CFAP299: variants seen among roughly 807,000 people sequenced by gnomAD.
CFAP299 encodes cilia- and flagella-associated protein 299.
CFAP299 carries 21 observed loss-of-function variants against 27.0 expected under a neutral mutation model. The ratio of observed to expected loss-of-function variants is 0.78; its 90% CI spans 0.55 to 1.12. The LOEUF is 1.12. CFAP299 is among the 50% of genes most tolerant of loss of function. The pLI is 0.00. For synonymous variants in CFAP299, 104 were observed against 98.1 expected (o/e 1.06, Z -0.36); for missense variants, 310 against 276.6 (o/e 1.12, Z -0.86).
intron 4 of CFAP299, among the ~76,000 whole-genome samples, chr4:80,876,781 A>G (rs1733401337): frequency 6.6e-6 from 1 of 152,128 alleles, no homozygotes; most frequent in Non-Finnish European, 1.5e-5. Flanking sequence ...TTTTGACCTC[A>G]AATCCATATC....
chr4:80,458,848 A>C (rs113453519), intron 2 of CFAP299, among the ~76,000 whole-genome samples: 145 of 152,228 alleles, frequency 9.5e-4, no homozygotes, highest in African/African-American at 3.3e-3. Context: ...CCAATAACAG[A>C]TCTGTTCATC....
Position 80,391,809 on chromosome 4 carries a change from A to G in CFAP299, c.242+28925A>G, listed in dbSNP as rs548477479. ...TAGTGAGTCCCCCATCACTACAAAA[A>G]TTACAAAATTAGCCAGGCATGGTGG... On this transcript the variant is annotated intron_variant, in intron 2 of 5. Coordinates refer to ENST00000358105, the MANE Select transcript of CFAP299 (RefSeq NM_152770.3). 4.6e-4 allele frequency among the ~76,000 whole-genome samples: 70 copies of G among 152,302 alleles called. 1 individual carries two copies. Among genetic ancestry groups the G allele is most frequent in the African/African-American group, 1.6e-3 (68 of 41,560 alleles).
chr4:80,420,523 G>A (rs1727242675), intron 2 of CFAP299, among the ~76,000 whole-genome samples: 1 of 152,116 alleles, frequency 6.6e-6, no homozygotes, highest in Non-Finnish European at 1.5e-5. Flanking sequence ...ACGGATTAGT[G>A]ATGTTGAGTT....
rs1425746357 is a variant in CFAP299 at position 80,705,384 on chromosome 4, T to A, written c.333+122201T>A. Among the ~76,000 whole-genome samples the A allele has an allele frequency of 3.3e-5, 5 of 151,870 alleles. No homozygotes were observed. In the East Asian group the frequency reaches 5.8e-4, roughly 18 times the overall value. On this transcript the variant is annotated intron_variant, in intron 3 of 5. Transcript: ENST00000358105. Reference sequence around the variant, plus strand: ...ATGAAAGAATGAGAAAGATCATGGATGTTGGTGGATGGATATGATTAAATA... The same window carrying A: ...ATGAAAGAATGAGAAAGATCATGGAAGTTGGTGGATGGATATGATTAAATA...
At chr4:80,596,661 T>C (rs1449385718) in intron 3 of CFAP299, among the ~76,000 whole-genome samples, 3 of 152,126 alleles carry the variant, frequency 2.0e-5, no homozygotes, top group Admixed American at 2.0e-4. Flanking sequence ...CATAAATTAC[T>C]GCAAAATGAA....
intron 4 of CFAP299, among the ~76,000 whole-genome samples, chr4:80,928,848 C>T (rs547094410): frequency 2.0e-5 from 3 of 152,110 alleles, no homozygotes; most frequent in African/African-American, 7.2e-5. Flanking sequence ...CAATGGGTAT[C>T]TTCCCATTAT....
At chr4:80,363,131 T>C (rs1723637314) in intron 2 of CFAP299, among the ~76,000 whole-genome samples, 1 of 152,202 alleles carries the variant, frequency 6.6e-6, no homozygotes, top group Non-Finnish European at 1.5e-5. Context: ...ACCAATAAAG[T>C]CTTGTTAAAA....
intron 3 of CFAP299, among the ~76,000 whole-genome samples, chr4:80,857,783 T>A (rs1487496416): frequency 2.0e-5 from 3 of 152,222 alleles, no homozygotes; most frequent in African/African-American, 7.2e-5. Flanking sequence ...ATAAGCTTTT[T>A]GATGTGCTGC....
chr4:80,768,910 A>G (rs1483841529), intron 3 of CFAP299, among the ~76,000 whole-genome samples: 2 of 152,190 alleles, frequency 1.3e-5, no homozygotes, highest in Non-Finnish European at 2.9e-5. Flanking sequence ...AATAATTAAT[A>G]GCATATGCTA....
At chr4:80,765,053 C>A (rs957495609) in intron 3 of CFAP299, among the ~76,000 whole-genome samples, 4 of 152,000 alleles carry the variant, frequency 2.6e-5, no homozygotes, top group Non-Finnish European at 2.9e-5. Context: ...AACAAACGTG[C>A]ACATTCTGCA....
intron 3 of CFAP299, among the ~76,000 whole-genome samples, chr4:80,688,408 A>T (rs1720383161): frequency 5.1e-5 from 1 of 19,592 alleles, no homozygotes. Flanking sequence ...CCTAACTGGG[A>T]GGCACCCCCC....
rs187940355 is a variant in CFAP299 at position 80,712,502 on chromosome 4, G to T, written c.333+129319G>T. Among the ~76,000 whole-genome samples, 7 of 152,234 alleles carry T rather than the reference G, an allele frequency of 4.6e-5. No individual in the cohort carries two copies. The East Asian group carries it at 1.4e-3, about 29-fold the overall frequency. On this transcript the variant is annotated intron_variant, in intron 3 of 5. Transcript: ENST00000358105. ...CTACTAGCTTGAGCTTGTAGTGCTG[G>T]CTGAATGAAAAATCTTGTTTTGACT...
intron 2 of CFAP299, among the ~76,000 whole-genome samples, chr4:80,580,564 G>T (rs1736111174): frequency 6.6e-6 from 1 of 151,864 alleles, no homozygotes; most frequent in Non-Finnish European, 1.5e-5. Flanking sequence ...TCTCAAAAGA[G>T]CCTTTACTTG....
At chr4:80,955,156 T>A (rs1738004965) in intron 5 of CFAP299, among the ~76,000 whole-genome samples, 1 of 151,984 alleles carries the variant, frequency 6.6e-6, no homozygotes, top group Non-Finnish European at 1.5e-5. Flanking sequence ...CTAAAATACT[T>A]TGGAGCAGTT....
chr4:80,587,758 A>T (rs1736522291), intron 3 of CFAP299, among the ~76,000 whole-genome samples: 1 of 151,998 alleles, frequency 6.6e-6, no homozygotes, highest in Non-Finnish European at 1.5e-5. Flanking sequence ...CACCCAGCTA[A>T]TTTTTTTATT....
chr4:80,653,409 A>T (rs1740406700), intron 3 of CFAP299, among the ~76,000 whole-genome samples: 1 of 36,408 alleles, frequency 2.7e-5, no homozygotes. Flanking sequence ...ACAAAAATTT[A>T]AAAAATTACA....
At chr4:80,932,165 A>T (rs1736656916) in intron 4 of CFAP299, among the ~76,000 whole-genome samples, 1 of 152,232 alleles carries the variant, frequency 6.6e-6, no homozygotes, top group African/African-American at 2.4e-5. Flanking sequence ...CCTGTAAAAT[A>T]GTAATAATAA....
intron 3 of CFAP299, among the ~76,000 whole-genome samples, chr4:80,626,487 G>T (rs1451421919): frequency 6.6e-6 from 1 of 150,816 alleles, no homozygotes; most frequent in African/African-American, 2.4e-5. Flanking sequence ...CAAAAAACAG[G>T]AATAAACTAA....
intron 3 of CFAP299, among the ~76,000 whole-genome samples, chr4:80,761,443 C>T (rs1400537100): frequency 4.0e-5 from 6 of 151,690 alleles, no homozygotes; most frequent in Non-Finnish European, 8.8e-5. Flanking sequence ...TGCATTACTT[C>T]CTATAGTTAT....
Sources: allele counts gnomAD v4.1 joint callset (sites outside exome capture counted in the v4.1 genomes callset), GRCh38; gene constraint gnomAD v4.1.1; transcripts MANE v1.5; gene names NCBI Gene and HGNC (gene_info 2026-07-23, HGNC 2026-07-21).